The following KNL1 variants were observed in gnomAD, a reference collection of about 807,000 sequenced individuals.
KNL1 encodes the protein outer kinetochore KNL1 complex subunit KNL1.
KNL1 carries 66 observed loss-of-function variants against 201.3 expected under a neutral mutation model. The observed-to-expected ratio is 0.33, with a 90% CI of 0.27 to 0.40. KNL1 has a LOEUF of 0.40. Among genes scored for constraint, KNL1 ranks in the 10% least tolerant of loss-of-function variants. The probability of loss-of-function intolerance (pLI) is 1.00; values close to 1 mark genes in which losing one functional copy is unlikely to be tolerated. For synonymous variants in KNL1, 895 were observed against 899.2 expected, an observed-to-expected ratio of 1.00 and a Z score of 0.08; for missense variants, 2,815 against 2,690.5, an observed-to-expected ratio of 1.05 and a Z score of -1.02.
intron 7 of KNL1, among the ~76,000 whole-genome samples, chr15:40,612,486 T>C (rs550097665): frequency 9.9e-5 from 15 of 151,184 alleles, no homozygotes; most frequent in Non-Finnish European, 1.6e-4. Context: ...AGCGAGACTC[T>C]GTCTCCAAAA....
chr15:40,625,016 G>A lies in KNL1; in HGVS notation c.4752G>A (p.Glu1584=), dbSNP rs1404587281. 22 of 1,613,756 alleles carry A rather than the reference G, an allele frequency of 1.4e-5. No individual in the cohort carries two copies. The East Asian group carries it at 4.7e-4, about 34-fold the overall frequency. ...FQTVHLPPLP[E]QLLELGNKAH... is the part of the protein sequence containing the mutation. ...CTGTTCATCTACCACCCCTTCCAGA[G>A]CAATTACTTGAATTAGGAAATAAGG... Residue 1584 remains glutamate, a synonymous_variant, in exon 10 of 26, where the codon GAG becomes GAA. Transcript: ENST00000399668.
chr15:40,623,325 T>C lies in KNL1; in HGVS notation c.3061T>C (p.Trp1021Arg). 1 of 1,613,900 alleles carries C rather than the reference T, an allele frequency of 6.2e-7. No individual in the cohort carries two copies. ...CAGCCAGCTAACCCCTCTGGAGGAATGGTCTAATAATAGGGGCCCTGTAGA... is the reference window on the plus strand; with the variant it reads ...CAGCCAGCTAACCCCTCTGGAGGAACGGTCTAATAATAGGGGCCCTGTAGA... ...NDSQLTPLEEWSNNRGPVEVA... is the reference protein window; with the variant it reads ...NDSQLTPLEERSNNRGPVEVA... The change falls in exon 10 of 26, where the codon TGG (tryptophan) becomes CGG (arginine). Residue 1021 changes from tryptophan (W) to arginine (R), a missense_variant. Coordinates refer to ENST00000399668, the MANE Select transcript of KNL1 (RefSeq NM_144508.5).
chr15:40,616,172 G>A (rs1892339969), intron 8 of KNL1, among the ~76,000 whole-genome samples: 1 of 144,348 alleles, frequency 6.9e-6, no homozygotes, highest in East Asian at 2.0e-4. Flanking sequence ...TGTCCAGGCT[G>A]GGGTGCAGTG....
intron 17 of KNL1, among the ~76,000 whole-genome samples, chr15:40,647,525 T>A (rs1893430000): frequency 6.6e-6 from 1 of 151,806 alleles, no homozygotes; most frequent in Non-Finnish European, 1.5e-5. Context: ...CAAATTAAAG[T>A]TCCTTTACTA....
chr15:40,639,544 C>G (rs909987793), intron 13 of KNL1, among the ~76,000 whole-genome samples: 1 of 145,106 alleles, frequency 6.9e-6, no homozygotes, highest in Non-Finnish European at 1.5e-5. Context: ...GAGATCACGC[C>G]ACTTCACTCC....
In KNL1 at chr15:40,655,016, G is replaced by T. The variant is rs754004315; in HGVS notation, c.6484+39G>T. On this transcript the variant is annotated intron_variant, in intron 22 of 25. Transcript: ENST00000399668. ...ATTTAAGCCTCTAAAAATTTGTTGG[G>T]GCTGGGCACTATGGCTCATGCCTTT... 1.2e-5 allele frequency: 18 copies of T among 1,518,046 alleles called. 1 individual carries two copies. In the South Asian group the frequency reaches 2.0e-4, roughly 17 times the overall value. 94.0% of individuals were successfully genotyped at this position (1,518,046 alleles called of 1,614,324 possible).
intron 24 of KNL1, 121 bp from the exon 25 acceptor site, chr15:40,659,218 T>C (rs1175115519): frequency 1.0e-5 from 7 of 691,852 alleles, no homozygotes; most frequent in Non-Finnish European, 1.6e-5. Flanking sequence ...TGAGCCGAAA[T>C]TGTGCACTGC....
rs763147124 is a variant in KNL1, at chr15:40,621,468, T to A, written c.1204T>A (p.Cys402Ser). The change falls in exon 10 of 26, where the codon TGT becomes AGT. Residue 402 changes from cysteine (C) to serine (S), a missense_variant. Cys to Ser is a moderately radical substitution (Grantham distance 112). Around this residue, in one of 3 missense-constraint regions of KNL1, gnomAD observed 2,464 missense variants for 2,291.7 expected, o/e 1.08. Coordinates refer to ENST00000399668, the MANE Select transcript of KNL1 (RefSeq NM_144508.5). ...AGAAACTCACATAGTCTCACAGACT[T>A]GTAATCAGGATGCCAGAATATTAGC... ...GAETHIVSQT[C>S]NQDARILAMT... 3.1e-5 allele frequency: 50 copies of A among 1,613,946 alleles called. No homozygotes were observed. In the South Asian group the frequency reaches 5.5e-4, roughly 18 times the overall value.
intron 7 of KNL1, among the ~76,000 whole-genome samples, chr15:40,615,066 A>G (rs1892295953): frequency 6.6e-6 from 1 of 152,140 alleles, no homozygotes; most frequent in South Asian, 2.1e-4. Flanking sequence ...GCTGGCTGAT[A>G]ATATTCTTGA....
rs1194548621 is a variant in KNL1, at chr15:40,650,360, A to G, written c.6154A>G (p.Met2052Val). The part of the protein sequence containing the change: ...NNPVEEWDSE[M>V]RAAEKELEQL... Reference sequence around the variant, plus strand: ...TCCTGTGGAAGAATGGGATTCTGAAATGAGAGCTGCAGAAAAAGGTAATTG... The same window carrying G: ...TCCTGTGGAAGAATGGGATTCTGAAGTGAGAGCTGCAGAAAAAGGTAATTG... Residue 2052 changes from methionine to valine, a missense_variant, in exon 18 of 26, where the codon ATG becomes GTG. This residue lies in a region of KNL1 where 334 missense variants were observed against 362.6 expected (regional missense o/e 0.92). Coordinates refer to ENST00000399668, the MANE Select transcript of KNL1 (RefSeq NM_144508.5). The G allele has an allele frequency of 6.2e-7, 1 of 1,612,878 alleles. No individual in the cohort carries two copies. Among genetic ancestry groups the G allele is most frequent in the Non-Finnish European group, 8.5e-7 (1 of 1,178,988 alleles).
chr15:40,658,181 A>G (rs1232035997), intron 24 of KNL1, among the ~76,000 whole-genome samples: 1 of 151,714 alleles, frequency 6.6e-6, no homozygotes, highest in Non-Finnish European at 1.5e-5. Flanking sequence ...TAGGAGAATC[A>G]CTTGAACCCA....
At chr15:40,604,929 A>G (rs1221888662) in intron 2 of KNL1, among the ~76,000 whole-genome samples, 181 bp from the exon 3 acceptor site, 1 of 152,220 alleles carries the variant, frequency 6.6e-6, no homozygotes, top group Admixed American at 6.5e-5. Flanking sequence ...AGTACACAAT[A>G]TGTATTTTAA....
chr15:40,623,639 C>G lies in KNL1; in HGVS notation c.3375C>G (p.Asp1125Glu). The G allele has an allele frequency of 6.2e-7, 1 of 1,613,792 alleles. No individual in the cohort carries two copies. Among genetic ancestry groups the G allele is most frequent in the Non-Finnish European group, 8.5e-7 (1 of 1,179,876 alleles). Reference sequence around the variant, plus strand: ...TTTTGTATTCATGTGGGCAGGATGACATGGAGATCACTAGGAGTCACACAA... The same window carrying G: ...TTTTGTATTCATGTGGGCAGGATGAGATGGAGATCACTAGGAGTCACACAA... ...KTILYSCGQD[D>E]MEITRSHTTA... is the part of the protein sequence containing the mutation. The change falls in exon 10 of 26, where the codon GAC (aspartate) becomes GAG (glutamate). Residue 1125 changes from aspartate to glutamate, a missense_variant. Coordinates refer to ENST00000399668, the MANE Select transcript of KNL1 (RefSeq NM_144508.5).
In KNL1 at chr15:40,620,963, G is replaced by A; in HGVS notation, c.699G>A (p.Val233=). The change falls in exon 10 of 26, where the codon GTG becomes GTA. Residue 233 remains valine (V), a synonymous_variant. Transcript: ENST00000399668. ...KTGKCSAFPD[V]PDKENFEIPI... is the part of the protein sequence containing the mutation. ...GAAAATGTAGTGCTTTTCCTGATGT[G>A]CCTGATAAAGAAAATTTTGAGATAC... 5.6e-6 allele frequency: 9 copies of A among 1,605,896 alleles called. No homozygotes were observed. The highest frequency in any genetic ancestry group is 7.6e-6 in the Non-Finnish European group (9 of 1,177,802).
rs577017270 is a variant in KNL1, at chr15:40,611,346, G to A, written c.251-132G>A. ...TTGATCTCGAACTCCTGACCTCGTG[G>A]TCCACCCGTCTCGGCCTCCCAAAGT... On this transcript the variant is annotated intron_variant, in intron 6 of 25. Transcript: ENST00000399668. 1.9e-3 allele frequency: 314 copies of A among 168,144 alleles called. 1 individual carries two copies. The highest frequency in any genetic ancestry group is 2.7e-3 in the Non-Finnish European group (183 of 68,494). The allele number at this position is 168,144 out of a possible 1,614,324, so 10.4% of individuals were successfully genotyped here.
intron 16 of KNL1, 54 bp from the exon 17 acceptor site, chr15:40,646,933 T>C: frequency 1.3e-6 from 1 of 778,418 alleles, no homozygotes; most frequent in Non-Finnish European, 2.3e-6. Context: ...TTGAACCATT[T>C]ATAATATTTT....
chr15:40,619,329 G>A (rs1409003166), intron 9 of KNL1, among the ~76,000 whole-genome samples: 3 of 149,180 alleles, frequency 2.0e-5, no homozygotes, highest in Middle Eastern at 3.5e-3. Flanking sequence ...TGTCCTCACT[G>A]AGAAAACTGT....
Position 40,610,245 on chromosome 15 carries a change from G to A in KNL1, c.198G>A (p.Lys66=). 6.8e-7 allele frequency: 1 copy of A among 1,460,946 alleles called. No individual in the cohort carries two copies. The highest frequency in any genetic ancestry group is 1.1e-5 in the South Asian group (1 of 87,192). 90.5% of individuals were successfully genotyped at this position (1,460,946 alleles called of 1,614,324 possible). Residue 66 remains lysine (K), a splice_region_variant and synonymous_variant, in exon 6 of 26, where the codon AAG becomes AAA. Coordinates refer to ENST00000399668, the MANE Select transcript of KNL1 (RefSeq NM_144508.5). ...SRRVSFADTI[K]VFQTESHMKI... ...CAATAATCTTTATTTTCTCTTCTAG[G>A]GTATTCCAGACGGAGTCTCATATGA...
chr15:40,659,440 A>G lies in KNL1; in HGVS notation c.6815A>G (p.Gln2272Arg). ...YPSVPLPSTIQNHVGNTSQDD... is the reference protein window; with the variant it reads ...YPSVPLPSTIRNHVGNTSQDD... ...TCTGTACCATTACCTTCCACCATTCAGAATCACGTTGGGAACACTAGGTGA... is the reference window on the plus strand; with the variant it reads ...TCTGTACCATTACCTTCCACCATTCGGAATCACGTTGGGAACACTAGGTGA... The change falls in exon 25 of 26, where the codon CAG becomes CGG. Residue 2272 changes from glutamine (Q) to arginine (R), a missense_variant. Physicochemically the swap from Gln to Arg is conservative, Grantham distance 43 (BLOSUM62 1). This residue lies in a region of KNL1 where 334 missense variants were observed against 362.6 expected (regional missense o/e 0.92). Coordinates refer to ENST00000399668, the MANE Select transcript of KNL1 (RefSeq NM_144508.5). 1 of 1,613,800 alleles carries G rather than the reference A, an allele frequency of 6.2e-7. No individual in the cohort carries two copies. The highest frequency in any genetic ancestry group is 8.5e-7 in the Non-Finnish European group (1 of 1,179,798).
Sources: allele counts gnomAD v4.1 joint callset (sites outside exome capture counted in the v4.1 genomes callset), GRCh38; gene constraint gnomAD v4.1.1; regional missense constraint gnomAD v4.1.1; transcripts MANE v1.5; gene names NCBI Gene and HGNC (gene_info 2026-07-23, HGNC 2026-07-21).